The following RANBP2 variants were observed in gnomAD, a reference collection of about 807,000 sequenced individuals.
RANBP2 encodes RAN binding protein 2.
A neutral mutation model predicts 303.6 loss-of-function variants in RANBP2; 57 were observed. The observed-to-expected ratio is 0.19, with a 90% CI of 0.15 to 0.23. The LOEUF (loss-of-function observed/expected upper bound fraction) is 0.23. RANBP2 is among the 10% of genes least tolerant of loss of function. RANBP2 has a pLI of 1.00. For missense variants in RANBP2, 3,138 were observed against 3,780.8 expected, an observed-to-expected ratio of 0.83 and a Z score of 4.46; for synonymous variants, 1,167 against 1,301.5, an observed-to-expected ratio of 0.90 and a Z score of 2.23.
chr2:109,122,063 C>A, the RANBP2 span, among the ~76,000 whole-genome samples: 1 of 152,192 alleles, frequency 6.6e-6, no homozygotes, highest in Non-Finnish European at 1.5e-5. Context: ...CGAGACAAAG[C>A]AACTGTGCTA....
the RANBP2 span, among the ~76,000 whole-genome samples, chr2:109,441,704 A>C: frequency 2.0e-5 from 3 of 152,352 alleles, no homozygotes; most frequent in African/African-American, 7.2e-5. Context: ...CAGTTGGTGA[A>C]CACCAAGCAC....
chr2:109,625,085 A>C, the RANBP2 span, among the ~76,000 whole-genome samples: 1 of 122,558 alleles, frequency 8.2e-6, no homozygotes, highest in African/African-American at 4.1e-5. Context: ...CAACAACAAC[A>C]ACAAAAAAAA....
chr2:108,737,705 C>T (rs1299054035), intron 6 of RANBP2, among the ~76,000 whole-genome samples: 1 of 149,384 alleles, frequency 6.7e-6, no homozygotes, highest in Non-Finnish European at 1.5e-5. Context: ...CCCGCCACCA[C>T]ACCTGGCTAA....
At chr2:109,464,145 C>G in the RANBP2 span, among the ~76,000 whole-genome samples, 2 of 152,302 alleles carry the variant, frequency 1.3e-5, no homozygotes, top group Middle Eastern at 6.8e-3. Context: ...AAAATACTTC[C>G]AGGGACAAGA....
At chr2:108,998,610 C>T in the RANBP2 span, among the ~76,000 whole-genome samples, 5 of 152,206 alleles carry the variant, frequency 3.3e-5, no homozygotes, top group Admixed American at 2.6e-4. Flanking sequence ...TCAACCCAGC[C>T]TCTACAGTGA....
chr2:109,240,878 ATCTC>A, the RANBP2 span, among the ~76,000 whole-genome samples: 1 of 113,650 alleles, frequency 8.8e-6, no homozygotes. Flanking sequence ...ACTTGATTCC[ATCTC>A]TCTCTCTCTG....
the RANBP2 span, among the ~76,000 whole-genome samples, chr2:109,656,341 TTTG>T: frequency 7.2e-6 from 1 of 138,420 alleles, no homozygotes; most frequent in Non-Finnish European, 1.5e-5. Flanking sequence ...CTGGGGTTTT[TTTG>T]TTTGTTTGTT....
the RANBP2 span, among the ~76,000 whole-genome samples, chr2:108,953,164 T>C: frequency 8.5e-3 from 1,296 of 152,370 alleles, 9 homozygotes; most frequent in South Asian, 0.028. Flanking sequence ...GGAGTCTCTA[T>C]TGAAAGCTCA....
At chr2:109,172,368 G>A in the RANBP2 span, among the ~76,000 whole-genome samples, 5 of 152,200 alleles carry the variant, frequency 3.3e-5, no homozygotes, top group Admixed American at 6.5e-5. Flanking sequence ...CACCATGCAC[G>A]GAGCTCAGCC....
At chr2:108,870,280 T>G in the RANBP2 span, among the ~76,000 whole-genome samples, 3 of 152,116 alleles carry the variant, frequency 2.0e-5, no homozygotes, top group African/African-American at 7.2e-5. Flanking sequence ...ATCAGTGAAC[T>G]TGAAGGCAAG....
the RANBP2 span, among the ~76,000 whole-genome samples, chr2:109,463,333 G>A: frequency 6.6e-6 from 1 of 152,274 alleles, no homozygotes; most frequent in East Asian, 1.9e-4. Context: ...CCACCTGGTC[G>A]GCCTTGTCTT....
chr2:109,456,116 C>T, the RANBP2 span, among the ~76,000 whole-genome samples: 7 of 152,208 alleles, frequency 4.6e-5, no homozygotes, highest in Non-Finnish European at 7.3e-5. Context: ...TCAGGTCTGC[C>T]GCACAGCAAA....
chr2:109,688,887 CCTTCCTTCCTTCCTTCCTTT>C, the RANBP2 span, among the ~76,000 whole-genome samples: 3 of 150,286 alleles, frequency 2.0e-5, no homozygotes, highest in Non-Finnish European at 3.0e-5. Context: ...TTCCTTCCTT[CCTTCCTTCCTTCCTTCCTTT>C]CTTCCTTCCT....
the RANBP2 span, among the ~76,000 whole-genome samples, chr2:109,605,869 AAAG>A: frequency 4.5e-4 from 68 of 152,346 alleles, no homozygotes; most frequent in Non-Finnish European, 7.2e-4. Flanking sequence ...TCCATGTCAC[AAAG>A]AAGAAGAGTT....
the RANBP2 span, among the ~76,000 whole-genome samples, chr2:109,603,383 C>T: frequency 6.6e-6 from 1 of 152,024 alleles, no homozygotes; most frequent in Non-Finnish European, 1.5e-5. Flanking sequence ...TACAGGCACA[C>T]ACCGCCACGC....
chr2:109,329,351 A>T, the RANBP2 span, among the ~76,000 whole-genome samples: 1 of 152,206 alleles, frequency 6.6e-6, no homozygotes, highest in Non-Finnish European at 1.5e-5. Flanking sequence ...ATTGAGAGCA[A>T]ATCCGCATGA....
chr2:109,526,410 C>A, the RANBP2 span, among the ~76,000 whole-genome samples: 1 of 152,174 alleles, frequency 6.6e-6, no homozygotes, highest in Non-Finnish European at 1.5e-5. Flanking sequence ...GGGGTTCAAG[C>A]AATTCTCGTG....
intron 21 of RANBP2, 100 bp downstream of exon 21, chr2:108,771,971 A>T (rs1677535311): frequency 1.4e-6 from 2 of 1,411,118 alleles, no homozygotes; most frequent in Admixed American, 1.8e-5. Context: ...AGAACTTATC[A>T]CTAATATCCT....
At chr2:108,825,219 A>AC in the RANBP2 span, among the ~76,000 whole-genome samples, 14 of 152,102 alleles carry the variant, frequency 9.2e-5, no homozygotes, top group Non-Finnish European at 1.9e-4. Context: ...AGACACAAAA[A>AC]CCAAGAGCAC....
Sources: allele counts gnomAD v4.1 joint callset (sites outside exome capture counted in the v4.1 genomes callset), GRCh38; gene constraint gnomAD v4.1.1; transcripts MANE v1.5; gene names NCBI Gene and HGNC (gene_info 2026-07-23, HGNC 2026-07-21).